Variants in ADGRA1 observed in about 807,000 individuals in gnomAD.
ADGRA1 encodes the protein adhesion G protein-coupled receptor A1.
Under a neutral mutation model 21.3 loss-of-function variants are expected in ADGRA1, and 12 were observed. The ratio of observed to expected loss-of-function variants is 0.56; its 90% CI spans 0.36 to 0.91. The LOEUF (loss-of-function observed/expected upper bound fraction) is 0.91, where lower values mean the gene tolerates loss of function less well. ADGRA1 is among the 40% of genes least tolerant of loss of function. ADGRA1 has a pLI of 0.01. For synonymous variants in ADGRA1, 385 were observed against 368.8 expected (o/e 1.04, Z -0.50); for missense variants, 790 against 805.6 (o/e 0.98, Z 0.23).
intron 5 of ADGRA1, among the ~76,000 whole-genome samples, chr10:133,118,904 G>T (rs9419115): frequency 6.6e-6 from 1 of 151,530 alleles, no homozygotes; most frequent in Non-Finnish European, 1.5e-5. Flanking sequence ...ACTCACACAC[G>T]TACACTCACA....
At chr10:133,123,665 AAAT>A (rs1375250709) in intron 5 of ADGRA1, among the ~76,000 whole-genome samples, 1 of 152,086 alleles carries the variant, frequency 6.6e-6, no homozygotes, top group Non-Finnish European at 1.5e-5. Flanking sequence ...GTAAGGTCCG[AAAT>A]GGGCCCCGCT....
Position 133,123,200 on chromosome 10 carries a change from C to T in ADGRA1, c.402-4033C>T, listed in dbSNP as rs79399876. Among the ~76,000 whole-genome samples, 438 of 152,162 alleles carry T rather than the reference C, an allele frequency of 2.9e-3. 3 individuals carry two copies. The highest frequency in any genetic ancestry group is 4.4e-3 in the Non-Finnish European group (296 of 67,940). On this transcript the variant is annotated intron_variant, in intron 5 of 6. Transcript: ENST00000392607. ...CAGGGGCCCCGCGAGTCCCTCTGCG[C>T]CCGTCCCTCTGCGCCCGTCTGTGAG...
rs1054644996 is a variant in ADGRA1 at position 133,098,548 on chromosome 10, C to T, written c.132-92C>T. The T allele has an allele frequency of 7.4e-5, 110 of 1,485,128 alleles. No homozygotes were observed. The East Asian group carries it at 2.1e-3, about 29-fold the overall frequency. The allele number at this position is 1,485,128 out of a possible 1,614,324, so 92.0% of individuals were successfully genotyped here. On this transcript the variant is annotated intron_variant, in intron 3 of 6. Transcript: ENST00000392607. ...GACCCCACGGAGAGCCCGGACTTCC[C>T]GGGGACAGAGCCTGCGCCCCAGGGG...
chr10:133,103,306 T>A (rs1325195655), intron 5 of ADGRA1, among the ~76,000 whole-genome samples: 1 of 152,190 alleles, frequency 6.6e-6, no homozygotes, highest in African/African-American at 2.4e-5. Flanking sequence ...TGGCTTCGGC[T>A]TCATGGTCTC....
chr10:133,091,446 G>T (rs1851594480), intron 2 of ADGRA1, among the ~76,000 whole-genome samples: 2 of 152,210 alleles, frequency 1.3e-5, no homozygotes, highest in Admixed American at 1.3e-4. Flanking sequence ...TTCCACAATT[G>T]CAATATTTAG....
At chr10:133,104,253 C>T (rs1371443145) in intron 5 of ADGRA1, among the ~76,000 whole-genome samples, 1 of 152,218 alleles carries the variant, frequency 6.6e-6, no homozygotes, top group African/African-American at 2.4e-5. Context: ...GTGCTTCTGC[C>T]GCTGATGGGG....
chr10:133,107,230 G>A (rs888665604), intron 5 of ADGRA1, among the ~76,000 whole-genome samples: 1 of 152,128 alleles, frequency 6.6e-6, no homozygotes, highest in African/African-American at 2.4e-5. Flanking sequence ...GGCTCTAGTT[G>A]GTGTTTTGTT....
In ADGRA1 at chr10:133,097,078, C is replaced by T. The variant is rs772114901; in HGVS notation, c.108C>T (p.Phe36=). 10 of 1,607,300 alleles carry T rather than the reference C, an allele frequency of 6.2e-6. No individual in the cohort carries two copies. Among genetic ancestry groups the T allele is most frequent in the Middle Eastern group, 1.6e-4 (1 of 6,084 alleles). Residue 36 remains phenylalanine, a synonymous_variant, in exon 3 of 7, where the codon TTC becomes TTT. Transcript: ENST00000392607. ...TGCTGCTCTGCCTCCTGGCCTCCTT[C>T]GTCACCTACATCGTGCACCAGAGGT... ...AVMLLCLLAS[F]VTYIVHQSAI...
At chr10:133,128,166 C>T (rs996140115) in intron 6 of ADGRA1, among the ~76,000 whole-genome samples, 163 bp from the exon 7 acceptor site, 3 of 151,004 alleles carry the variant, frequency 2.0e-5, no homozygotes, top group African/African-American at 7.3e-5. Context: ...GCCCGGTTCC[C>T]ATCCACACTC....
chr10:133,111,279 CCCACCAGACAA>C lies in ADGRA1; in HGVS notation c.401+8440_401+8450del, dbSNP rs1564849037. ...CCACCACAGGCACCTCCCTCCTAAT[CCCACCAGACAA>C]CCTGCCCCCCCGGGAACCATCCCTC... is the stretch of plus-strand genomic sequence containing the variant. On this transcript the variant is annotated intron_variant, in intron 5 of 6. Transcript: ENST00000392607. 1.5e-3 allele frequency among the ~76,000 whole-genome samples: 141 copies of C among 92,752 alleles called. 4 individuals carry two copies. Among genetic ancestry groups the C allele is most frequent in the South Asian group, 4.8e-3 (10 of 2,074 alleles). 60.8% of individuals were successfully genotyped at this position (92,752 alleles called of 152,430 possible). A position where few individuals can be genotyped will look rare whatever the true frequency, so the allele number is the denominator to read the frequency against.
intron 2 of ADGRA1, among the ~76,000 whole-genome samples, chr10:133,094,179 C>T (rs934755613): frequency 1.3e-5 from 2 of 152,238 alleles, no homozygotes; most frequent in Admixed American, 6.5e-5. Flanking sequence ...GCGTGGCCCT[C>T]GCTGTCACTG....
At chr10:133,092,460 T>A (rs1851610041) in intron 2 of ADGRA1, among the ~76,000 whole-genome samples, 1 of 152,200 alleles carries the variant, frequency 6.6e-6, no homozygotes, top group African/African-American at 2.4e-5. Flanking sequence ...AAGAAAATCA[T>A]AACGCACCTT....
intron 2 of ADGRA1, among the ~76,000 whole-genome samples, chr10:133,091,180 G>A (rs1283986226): frequency 6.6e-6 from 1 of 152,222 alleles, no homozygotes; most frequent in Admixed American, 6.5e-5. Flanking sequence ...AGTTGTTCTC[G>A]AGGGCCTGAA....
At chr10:133,122,632 C>G (rs979331321) in intron 5 of ADGRA1, among the ~76,000 whole-genome samples, 5 of 152,240 alleles carry the variant, frequency 3.3e-5, no homozygotes, top group African/African-American at 9.6e-5. Context: ...GCCAGACACA[C>G]CAGCACCGCC....
In ADGRA1 at chr10:133,098,636, A is replaced by ACAG. The variant is rs1159835766; in HGVS notation, c.132-2_132dup. 1.2e-6 allele frequency: 2 copies of ACAG among 1,607,394 alleles called. No homozygotes were observed. Among genetic ancestry groups the ACAG allele is most frequent in the East Asian group, 4.5e-5 (2 of 44,846 alleles). On this transcript the variant is annotated splice_region_variant and splice_polypyrimidine_tract_variant and intron_variant, in intron 3 of 6. Coordinates refer to ENST00000392607, the MANE Select transcript of ADGRA1 (RefSeq NM_001083909.3). Reference sequence around the variant, plus strand: ...ATGTGAAACCCTCCTTTCCCGTCCCACAGCGCCATCCGCATCAGCCGCAAG... The same window carrying ACAG: ...ATGTGAAACCCTCCTTTCCCGTCCCACAGCAGCGCCATCCGCATCAGCCGCAAG...
chr10:133,111,311 C>A (rs1851999621), intron 5 of ADGRA1, among the ~76,000 whole-genome samples: 1 of 88,030 alleles, frequency 1.1e-5, no homozygotes, highest in Non-Finnish European at 2.1e-5. Context: ...CGGGAACCAT[C>A]CCTCCTAATC....
In ADGRA1 at chr10:133,102,692, C is replaced by A. The variant is rs1306176981; in HGVS notation, c.256-5C>A. ...AGGGCCTGGCTGACCGCTGCTCCCC[C>A]ACAGGTGGGCATCGTGCTGCACTAT... On this transcript the variant is annotated splice_polypyrimidine_tract_variant and splice_region_variant and intron_variant, in intron 4 of 6. Transcript: ENST00000392607. 1.9e-6 allele frequency: 3 copies of A among 1,593,648 alleles called. No homozygotes were observed. The highest frequency in any genetic ancestry group is 1.1e-5 in the South Asian group (1 of 90,556).
chr10:133,098,455 C>G (rs572039045), intron 3 of ADGRA1, among the ~76,000 whole-genome samples, 185 bp from the exon 4 acceptor site: 6 of 152,136 alleles, frequency 3.9e-5, no homozygotes, highest in Non-Finnish European at 7.4e-5. Flanking sequence ...TTCCAGTGGC[C>G]GTCACTCAGG....
chr10:133,117,992 G>C (rs897252929), intron 5 of ADGRA1, among the ~76,000 whole-genome samples: 4 of 152,234 alleles, frequency 2.6e-5, no homozygotes, highest in Non-Finnish European at 5.9e-5. Flanking sequence ...GTGTTTGACA[G>C]TGGAGGCTGG....
Sources: gnomAD v4.1 joint callset for allele counts (sites outside exome capture counted in the v4.1 genomes callset) on GRCh38, gnomAD v4.1.1 for gene constraint, MANE v1.5 for transcripts, NCBI Gene and HGNC (gene_info 2026-07-23, HGNC 2026-07-21) for gene names.